Variants in ATXN2 observed in about 807,000 individuals in gnomAD.
ATXN2 encodes ataxin 2, also known as ataxin-2.
A neutral mutation model predicts 138.6 loss-of-function variants in ATXN2; 37 were observed. That is an observed-to-expected ratio of 0.27 (90% CI 0.21 to 0.35). The LOEUF (loss-of-function observed/expected upper bound fraction) is 0.35, where lower values mean the gene tolerates loss of function less well. Among genes scored for constraint, ATXN2 ranks in the 10% least tolerant of loss-of-function variants. The pLI is 1.00. For synonymous variants in ATXN2, 549 were observed against 543.7 expected, an observed-to-expected ratio of 1.01 and a Z score of -0.13; for missense variants, 1,216 against 1,480.3, an observed-to-expected ratio of 0.82 and a Z score of 2.93.
At chr12:111,558,511 T>G (rs773867661) in intron 1 of ATXN2, among the ~76,000 whole-genome samples, 1 of 152,148 alleles carries the variant, frequency 6.6e-6, no homozygotes, top group Non-Finnish European at 1.5e-5. Flanking sequence ...ATAAAGAAAT[T>G]TACATGCTGA....
chr12:111,563,700 G>A (rs1054475674), intron 1 of ATXN2, among the ~76,000 whole-genome samples: 5 of 152,104 alleles, frequency 3.3e-5, no homozygotes, highest in African/African-American at 1.2e-4. Context: ...TTTTCTAAAA[G>A]TCTAAAATTA....
At chr12:111,562,473 C>G (rs1210678003) in intron 1 of ATXN2, among the ~76,000 whole-genome samples, 2 of 151,908 alleles carry the variant, frequency 1.3e-5, no homozygotes, top group African/African-American at 2.4e-5. Flanking sequence ...GTAATCCTAG[C>G]ACTCTGGGAG....
At chr12:111,464,244 T>TGGG (rs763591135) in intron 21 of ATXN2, among the ~76,000 whole-genome samples, 1 of 124,340 alleles carries the variant, frequency 8.0e-6, no homozygotes, top group African/African-American at 3.6e-5. Flanking sequence ...GCTTGTGGCT[T>TGGG]GGGGTGTGTG....
chr12:111,597,782 G>A (rs1885011496), intron 1 of ATXN2: 1 of 1,098,484 alleles, frequency 9.1e-7, no homozygotes, highest in South Asian at 1.3e-5. Flanking sequence ...CACGTCCCCT[G>A]CTGCAATCTC....
intron 1 of ATXN2, among the ~76,000 whole-genome samples, chr12:111,558,812 AAAT>A (rs961032469): frequency 7.9e-5 from 12 of 152,064 alleles, no homozygotes; most frequent in Non-Finnish European, 1.2e-4. Flanking sequence ...ATAATTAACT[AAAT>A]AATAATAATA....
At chr12:111,526,095 T>C (rs1447193357) in intron 5 of ATXN2, among the ~76,000 whole-genome samples, 3 of 151,808 alleles carry the variant, frequency 2.0e-5, no homozygotes, top group Admixed American at 1.3e-4. Context: ...TGGTGGCTCA[T>C]GCCTGTAATA....
At position 111,598,994 on chromosome 12, in the gene ATXN2, TGCTGCTGC is replaced by T. The variant is rs770903464; in HGVS notation, c.33_40del (p.Gln12AlafsTer75). On this transcript the variant is annotated frameshift_variant, in exon 1 of 25. Coordinates refer to ENST00000673436, the MANE Select transcript of ATXN2 (RefSeq NM_001372574.1). LOFTEE classifies it high-confidence loss of function. The surrounding 1 kb of genome is among the most constrained non-coding windows in gnomAD (Gnocchi z 4.5). Reference sequence around the variant, plus strand: ...CTGCTGCTGTTGCTGCTGCTGCTGCTGCTGCTGCTGCTGCTGCTGCTGCTGGGGCTTCA... The same window carrying T: ...CTGCTGCTGTTGCTGCTGCTGCTGCTTGCTGCTGCTGCTGCTGGGGCTTCA... 6.6e-5 allele frequency: 93 copies of T among 1,402,352 alleles called. No individual in the cohort carries two copies. In the Middle Eastern group the frequency reaches 1.2e-3, roughly 18 times the overall value. The allele number at this position is 1,402,352 out of a possible 1,614,324, so 86.9% of individuals were successfully genotyped here. A position where few individuals can be genotyped will look rare whatever the true frequency, so the allele number is the denominator to read the frequency against.
chr12:111,469,973 G>C (rs1178965605), intron 20 of ATXN2, 135 bp downstream of exon 20: 2 of 1,048,062 alleles, frequency 1.9e-6, no homozygotes, highest in Non-Finnish European at 2.6e-6. Context: ...CAAAGAAATG[G>C]GTTCATCTTT....
In ATXN2 at chr12:111,598,827, C is replaced by T; in HGVS notation, c.208G>A (p.Val70Met). 1 of 1,451,520 alleles carries T rather than the reference C, an allele frequency of 6.9e-7. No individual in the cohort carries two copies. The highest frequency in any genetic ancestry group is 9.0e-7 in the Non-Finnish European group (1 of 1,108,218). 89.9% of individuals were successfully genotyped at this position (1,451,520 alleles called of 1,614,324 possible). A position where few individuals can be genotyped will look rare whatever the true frequency, so the allele number is the denominator to read the frequency against. ...SSSSATAPSS[V>M]VAATSGGGRP... The stretch of plus-strand genomic sequence containing the variant: ...CCGCCGCCGGAGGTCGCCGCGACCA[C>T]CGAGGAGGGAGCCGTGGCCGAGGAC... The change falls in exon 1 of 25, where the codon GTG becomes ATG. Residue 70 changes from valine to methionine, a missense_variant. This residue lies in a region of ATXN2 where 110 missense variants were observed against 88.7 expected (regional missense o/e 1.24). Coordinates refer to ENST00000673436, the MANE Select transcript of ATXN2 (RefSeq NM_001372574.1). The surrounding 1 kb of genome is among the most constrained non-coding windows in gnomAD (Gnocchi z 4.5).
At chr12:111,462,014 G>C (rs1234285580) in intron 21 of ATXN2, among the ~76,000 whole-genome samples, 3 of 151,890 alleles carry the variant, frequency 2.0e-5, no homozygotes, top group Non-Finnish European at 2.9e-5. Context: ...GGGAAGGGCA[G>C]TGGGTTCTGA....
chr12:111,566,711 A>G (rs1248706990), intron 1 of ATXN2, among the ~76,000 whole-genome samples: 1 of 150,752 alleles, frequency 6.6e-6, no homozygotes, highest in Non-Finnish European at 1.5e-5. Context: ...ATCTCAACTC[A>G]CTGCAACCTC....
chr12:111,493,653 G>A (rs1388587183), intron 14 of ATXN2, among the ~76,000 whole-genome samples: 1 of 150,610 alleles, frequency 6.6e-6, no homozygotes, highest in African/African-American at 2.4e-5. Flanking sequence ...TTGTGAGACA[G>A]AGTCTTGCTC....
chr12:111,518,518 C>T, intron 8 of ATXN2, 91 bp from the exon 9 acceptor site: 2 of 1,342,112 alleles, frequency 1.5e-6, no homozygotes. Context: ...GAAGGGAATG[C>T]TTGTTACAAA....
In ATXN2 at chr12:111,483,068, C is replaced by T. The variant is rs1592816883; in HGVS notation, c.2524+2197G>A. On this transcript the variant is annotated intron_variant, in intron 18 of 24. Transcript: ENST00000673436. ...TAGGTGTGGTGGTGTGCACCTGTAG[C>T]CCCCGCTATCCAGGGGACTGAGAAG... Among the ~76,000 whole-genome samples, 3 of 151,858 alleles carry T rather than the reference C, an allele frequency of 2.0e-5. No individual in the cohort carries two copies. The East Asian group carries it at 5.8e-4, about 29-fold the overall frequency.
At chr12:111,490,732 T>C (rs1877969139) in intron 14 of ATXN2, among the ~76,000 whole-genome samples, 2 of 152,116 alleles carry the variant, frequency 1.3e-5, no homozygotes, top group Non-Finnish European at 2.9e-5. Flanking sequence ...GAAGATAGTC[T>C]TGAACTGCCC....
At chr12:111,494,849 C>T (rs1374588472) in intron 14 of ATXN2, among the ~76,000 whole-genome samples, 5 of 151,330 alleles carry the variant, frequency 3.3e-5, no homozygotes, top group East Asian at 1.9e-4. Flanking sequence ...AAAAAAGGAG[C>T]GAAGAGGAAG....
intron 18 of ATXN2, among the ~76,000 whole-genome samples, chr12:111,482,335 T>TA (rs1314563654): frequency 2.6e-5 from 4 of 151,830 alleles, no homozygotes; most frequent in African/African-American, 9.7e-5. Flanking sequence ...GCTGGGACTA[T>TA]AGGCACCTGC....
At chr12:111,586,971 G>C (rs1884375736) in intron 1 of ATXN2, among the ~76,000 whole-genome samples, 1 of 151,428 alleles carries the variant, frequency 6.6e-6, no homozygotes, top group Non-Finnish European at 1.5e-5. Context: ...TTCTCAAAGA[G>C]GCCATAAAGA....
intron 1 of ATXN2, among the ~76,000 whole-genome samples, chr12:111,564,131 CAAAG>C: frequency 6.6e-6 from 1 of 152,154 alleles, no homozygotes. Flanking sequence ...ATTGTGTGGC[CAAAG>C]AAACACCTTG....
Sources: gnomAD v4.1 joint callset for allele counts (sites outside exome capture counted in the v4.1 genomes callset) on GRCh38, gnomAD v4.1.1 for gene constraint, gnomAD v4.1.1 regional missense constraint, Gnocchi (gnomAD v3.1) non-coding constraint, MANE v1.5 for transcripts, NCBI Gene and HGNC (gene_info 2026-07-23, HGNC 2026-07-21) for gene names.